Variants in PIP5KL1 observed in about 807,000 individuals in gnomAD.
PIP5KL1 encodes phosphatidylinositol-4-phosphate 5-kinase like 1.
A neutral mutation model predicts 47.6 loss-of-function variants in PIP5KL1; 45 were observed. The ratio of observed to expected loss-of-function variants is 0.94; its 90% confidence interval spans 0.74 to 1.21. PIP5KL1 has a LOEUF of 1.21. Among genes scored for constraint, PIP5KL1 ranks in the 50% most tolerant of loss-of-function variants. PIP5KL1 has a pLI of 0.00. For missense variants in PIP5KL1, 577 were observed against 547.6 expected (o/e 1.05, Z -0.54); for synonymous variants, 256 against 234.6 (o/e 1.09, Z -0.84).
Position 127,927,806 on chromosome 9 carries a change from C to T in PIP5KL1, c.435-34G>A, listed in dbSNP as rs139545504. The T allele has an allele frequency of 5.8e-4, 900 of 1,545,008 alleles. 6 individuals are homozygous for T. Among genetic ancestry groups the T allele is most frequent in the South Asian group, 5.2e-3 (438 of 83,624 alleles). ...CAAGAGAAAGAGGTCACTGCCCAGG[C>T]CTGGCTGGAGCGGCTCCCACCCGGC... On this transcript the variant is annotated intron_variant, in intron 4 of 9. Coordinates refer to ENST00000388747, the MANE Select transcript of PIP5KL1 (RefSeq NM_001135219.2). The surrounding 1 kb of genome is among the most constrained non-coding windows in gnomAD (Gnocchi z 5.5).
chr9:127,921,782 C>CG lies in PIP5KL1; in HGVS notation c.*64dup. 1 of 1,495,388 alleles carries CG rather than the reference C, an allele frequency of 6.7e-7. No homozygotes were observed. The highest frequency in any genetic ancestry group is 2.5e-5 in the East Asian group (1 of 40,746). The allele number at this position is 1,495,388 out of a possible 1,614,324, so 92.6% of individuals were successfully genotyped here. On this transcript the variant is annotated 3_prime_UTR_variant, in exon 10 of 10. Transcript: ENST00000388747. ...GAAGCGCAGGCGAGATGCCCGGGCC[C>CG]GGGGGAACCGGCGTTCCTGGCGTGA... is the stretch of plus-strand genomic sequence containing the variant.
chr9:127,926,138 T>C (rs1031665203), intron 7 of PIP5KL1, among the ~76,000 whole-genome samples, 159 bp from the exon 8 acceptor site: 2 of 151,814 alleles, frequency 1.3e-5, no homozygotes, highest in Non-Finnish European at 2.9e-5. Context: ...CTTTCTTTCT[T>C]TCTCTCTTTT....
intron 4 of PIP5KL1, 27 bp downstream of exon 4, chr9:127,928,038 C>A: frequency 3.3e-6 from 5 of 1,516,244 alleles, no homozygotes; most frequent in East Asian, 2.4e-5. Flanking sequence ...CACTCCCACC[C>A]CTGCCCCACC....
Position 127,927,015 on chromosome 9 carries a change from T to C in PIP5KL1, c.650+138A>G, listed in dbSNP as rs1831370980. On this transcript the variant is annotated intron_variant, in intron 7 of 9. Coordinates refer to ENST00000388747, the MANE Select transcript of PIP5KL1 (RefSeq NM_001135219.2). The surrounding 1 kb of genome is among the most constrained non-coding windows in gnomAD (Gnocchi z 5.5). ...CAGAGATGCTGGGTGTGGGCGTCAC[T>C]GTCTCTGACCCACCAGATCTTGGGA... 3.9e-6 allele frequency: 4 copies of C among 1,038,100 alleles called. No individual in the cohort carries two copies. The highest frequency in any genetic ancestry group is 3.4e-5 in the South Asian group (2 of 59,328). The allele number at this position is 1,038,100 out of a possible 1,614,324, so 64.3% of individuals were successfully genotyped here.
At position 127,927,158 on chromosome 9, in the gene PIP5KL1, G is replaced by T. The variant is rs778647599; in HGVS notation, c.645C>A (p.Ser215=). 4.3e-6 allele frequency: 7 copies of T among 1,611,250 alleles called. No homozygotes were observed. Among genetic ancestry groups the T allele is most frequent in the South Asian group, 1.1e-5 (1 of 90,760 alleles). ...AACCTGCTTAGGCCACTCACCTCTC[G>T]GAGATGCGGCCGGCGGGGTAGAAGA... The part of the protein sequence containing the change: ...QSVFYPAGRI[S]ERYDIKGCEV... Residue 215 remains serine, a synonymous_variant, in exon 7 of 10, where the codon TCC becomes TCA. Coordinates refer to ENST00000388747, the MANE Select transcript of PIP5KL1 (RefSeq NM_001135219.2). This position sits in a 1 kb window ranked among gnomAD's most constrained non-coding sequence, Gnocchi z 5.5.
At chr9:127,925,515 G>A in intron 8 of PIP5KL1, 1 of 497,506 alleles carries the variant, frequency 2.0e-6, no homozygotes, top group Admixed American at 3.5e-5. Flanking sequence ...GCACAGGCTG[G>A]AGTGCAGTGG....
chr9:127,929,435 G>A lies in PIP5KL1; in HGVS notation c.228+253C>T, dbSNP rs1402667446. ...TATAATCTCCCCCCATTATACAGAT[G>A]GGGACACTGAGGCCCAGAGAGAGGC... On this transcript the variant is annotated intron_variant, in intron 2 of 9. Transcript: ENST00000388747. This position sits in a 1 kb window ranked among gnomAD's most constrained non-coding sequence, Gnocchi z 4.0. Among the ~76,000 whole-genome samples the A allele has an allele frequency of 2.0e-5, 3 of 152,016 alleles. No homozygotes were observed. The highest frequency in any genetic ancestry group is 7.3e-5 in the African/African-American group (3 of 41,370).
At chr9:127,926,085 A>C (rs1030878887) in intron 7 of PIP5KL1, 106 bp from the exon 8 acceptor site, 7 of 698,298 alleles carry the variant, frequency 1.0e-5, no homozygotes, top group African/African-American at 1.8e-5. Flanking sequence ...TACAGAGATC[A>C]TCCCCAGTCC....
chr9:127,921,853 C>T lies in PIP5KL1; in HGVS notation c.1179G>A (p.Thr393=). 2 of 1,572,646 alleles carry T rather than the reference C, an allele frequency of 1.3e-6. No homozygotes were observed. The highest frequency in any genetic ancestry group is 1.3e-5 in the African/African-American group (1 of 74,366). Residue 393 remains threonine (T), a synonymous_variant, in exon 10 of 10, where the codon ACG becomes ACA. Transcript: ENST00000388747. ...GAGTGGGGCCGGGCGCCCGTCACTC[C>T]GTGTGCGCCTCCACCCACTGGCAGA... ...RRLCQWVEAH[T]E
chr9:127,927,892 C>CT lies in PIP5KL1; in HGVS notation c.435-121dup. The CT allele has an allele frequency of 2.7e-6, 4 of 1,488,772 alleles. No individual in the cohort carries two copies. The highest frequency in any genetic ancestry group is 3.6e-6 in the Non-Finnish European group (4 of 1,120,458). The allele number at this position is 1,488,772 out of a possible 1,614,324, so 92.2% of individuals were successfully genotyped here. A position where few individuals can be genotyped will look rare whatever the true frequency, so the allele number is the denominator to read the frequency against. On this transcript the variant is annotated intron_variant, in intron 4 of 9. Transcript: ENST00000388747. This position sits in a 1 kb window ranked among gnomAD's most constrained non-coding sequence, Gnocchi z 5.5. ...CAGGTCTCGGCACCGCCTCTCTCGCCTTCGGCCCTCGCCCTCCTCTCCTCC... is the reference window on the plus strand; with the variant it reads ...CAGGTCTCGGCACCGCCTCTCTCGCCTTTCGGCCCTCGCCCTCCTCTCCTCC...
Position 127,927,901 on chromosome 9 carries a change from T to C in PIP5KL1, c.435-129A>G. ...GCACCGCCTCTCTCGCCTTCGGCCC[T>C]CGCCCTCCTCTCCTCCCCGATCTGT... On this transcript the variant is annotated intron_variant, in intron 4 of 9. Coordinates refer to ENST00000388747, the MANE Select transcript of PIP5KL1 (RefSeq NM_001135219.2). This position sits in a 1 kb window ranked among gnomAD's most constrained non-coding sequence, Gnocchi z 5.5. 6.8e-7 allele frequency: 1 copy of C among 1,477,026 alleles called. No individual in the cohort carries two copies. The highest frequency in any genetic ancestry group is 9.0e-7 in the Non-Finnish European group (1 of 1,110,660). 91.5% of individuals were successfully genotyped at this position (1,477,026 alleles called of 1,614,324 possible). A position where few individuals can be genotyped will look rare whatever the true frequency, so the allele number is the denominator to read the frequency against.
At position 127,929,750 on chromosome 9, in the gene PIP5KL1, TCATCC is replaced by T. The variant is rs1185540511; in HGVS notation, c.161_165del (p.Gly54AspfsTer164). ...CACAGCCCTGCCTGCATCATGCACG[TCATCC>T]CATGCAGTTCATGCCCCGGGCTGAT... On this transcript the variant is annotated frameshift_variant, in exon 2 of 10. Coordinates refer to ENST00000388747, the MANE Select transcript of PIP5KL1 (RefSeq NM_001135219.2). LOFTEE classifies it high-confidence loss of function. This position sits in a 1 kb window ranked among gnomAD's most constrained non-coding sequence, Gnocchi z 4.0. 2 of 1,584,558 alleles carry T rather than the reference TCATCC, an allele frequency of 1.3e-6. No homozygotes were observed. The highest frequency in any genetic ancestry group is 1.7e-6 in the Non-Finnish European group (2 of 1,165,516).
intron 9 of PIP5KL1, among the ~76,000 whole-genome samples, chr9:127,922,702 A>AAAG (rs1304759161): frequency 6.6e-6 from 1 of 150,752 alleles, no homozygotes; most frequent in Admixed American, 6.6e-5. Flanking sequence ...CTCAAAAAAA[A>AAAG]AAAAAAAAAG....
rs755637971 is a variant in PIP5KL1 at position 127,930,755 on chromosome 9, C to A, written c.-3G>T. The A allele has an allele frequency of 6.4e-7, 1 of 1,550,752 alleles. No homozygotes were observed. Among genetic ancestry groups the A allele is most frequent in the Non-Finnish European group, 8.7e-7 (1 of 1,152,502 alleles). On this transcript the variant is annotated 5_prime_UTR_variant, in exon 1 of 10. Coordinates refer to ENST00000388747, the MANE Select transcript of PIP5KL1 (RefSeq NM_001135219.2). The stretch of plus-strand genomic sequence containing the variant: ...GGCCCCGGGCTCGGCGCAGCCATCG[C>A]CCCCGCAGCAGCTTCCCGGGCTTTG...
chr9:127,928,188 G>C lies in PIP5KL1; in HGVS notation c.311C>G (p.Ala104Gly), dbSNP rs566318159. 3 of 1,539,464 alleles carry C rather than the reference G, an allele frequency of 1.9e-6. No individual in the cohort carries two copies. The highest frequency in any genetic ancestry group is 2.4e-5 in the East Asian group (1 of 41,048). ...CAGGGAGCGGCGCAGCCAGGCAAAG[G>C]CGGGGCCGGCCAGCGTGCCCAGCTC... is the stretch of plus-strand genomic sequence containing the variant. ...GFELGTLAGP[A>G]FAWLRRSLGL... The change falls in exon 4 of 10, where the codon GCC becomes GGC. Residue 104 changes from alanine to glycine, a missense_variant. Physicochemically the swap from Ala to Gly is moderately conservative, Grantham distance 60. Transcript: ENST00000388747.
In PIP5KL1 at chr9:127,927,161, G is replaced by C; in HGVS notation, c.642C>G (p.Ile214Met). ...CTGCTTAGGCCACTCACCTCTCGGA[G>C]ATGCGGCCGGCGGGGTAGAAGACGC... Reference protein sequence around the residue: ...MQSVFYPAGRISERYDIKGCE... With the variant: ...MQSVFYPAGRMSERYDIKGCE... The change falls in exon 7 of 10, where the codon ATC becomes ATG. Residue 214 changes from isoleucine to methionine, a missense_variant. Ile to Met is a conservative substitution (Grantham distance 10, BLOSUM62 1). Transcript: ENST00000388747. The surrounding 1 kb of genome is among the most constrained non-coding windows in gnomAD (Gnocchi z 5.5). The C allele has an allele frequency of 6.2e-7, 1 of 1,611,612 alleles. No individual in the cohort carries two copies. The highest frequency in any genetic ancestry group is 1.3e-5 in the African/African-American group (1 of 74,998).
intron 8 of PIP5KL1, chr9:127,925,649 A>G (rs1401522767): frequency 1.8e-6 from 1 of 551,976 alleles, no homozygotes; most frequent in African/African-American, 1.9e-5. Context: ...TGTTTTTCGT[A>G]GAGACAGAGT....
At chr9:127,925,731 T>A (rs1205323040) in intron 8 of PIP5KL1, 136 bp downstream of exon 8, 1 of 739,450 alleles carries the variant, frequency 1.4e-6, no homozygotes, top group East Asian at 2.7e-5. Context: ...CCCAAAGTGC[T>A]GGAATTACAG....
intron 8 of PIP5KL1, 154 bp from the exon 9 acceptor site, chr9:127,925,414 G>T: frequency 1.3e-6 from 1 of 796,288 alleles, no homozygotes; most frequent in Non-Finnish European, 1.9e-6. Context: ...TAGCTAGGAA[G>T]TCATGGAGCC....
Sources: gnomAD v4.1 joint callset for allele counts (sites outside exome capture counted in the v4.1 genomes callset) on GRCh38, gnomAD v4.1.1 for gene constraint, Gnocchi (gnomAD v3.1) non-coding constraint, MANE v1.5 for transcripts, NCBI Gene and HGNC (gene_info 2026-07-23, HGNC 2026-07-21) for gene names.